The following SNTG1 variants were observed in gnomAD, a reference collection of about 807,000 sequenced individuals.
The protein encoded by SNTG1 is gamma-1-syntrophin.
In SNTG1, 39 loss-of-function variants were observed where a neutral mutation model predicts 74.7. The observed-to-expected ratio is 0.52, with a 90% CI of 0.40 to 0.68. The LOEUF is 0.68. SNTG1 is among the 30% of genes least tolerant of loss of function. The pLI is 0.00. For synonymous variants in SNTG1, 254 were observed against 217.1 expected, an observed-to-expected ratio of 1.17 and a Z score of -1.49; for missense variants, 685 against 609.5, an observed-to-expected ratio of 1.12 and a Z score of -1.30.
chr8:50,371,638 C>T (rs539584617), intron 2 of SNTG1, among the ~76,000 whole-genome samples: 1 of 152,090 alleles, frequency 6.6e-6, no homozygotes, highest in Admixed American at 6.5e-5. Flanking sequence ...TTTTTTAGGT[C>T]TTTTACTATT....
intron 2 of SNTG1, among the ~76,000 whole-genome samples, chr8:50,362,016 A>G (rs1587315342): frequency 6.6e-6 from 1 of 152,198 alleles, no homozygotes; most frequent in East Asian, 1.9e-4. Flanking sequence ...CAGTGAGTGA[A>G]CATCTCTATG....
At chr8:50,039,952 T>C (rs1326815613) in intron 1 of SNTG1, among the ~76,000 whole-genome samples, 1 of 152,134 alleles carries the variant, frequency 6.6e-6, no homozygotes, top group Non-Finnish European at 1.5e-5. Flanking sequence ...GCACATGATG[T>C]CGAGCTCTCT....
chr8:50,235,792 G>C (rs1016314588), intron 2 of SNTG1, among the ~76,000 whole-genome samples: 1 of 151,786 alleles, frequency 6.6e-6, no homozygotes, highest in Non-Finnish European at 1.5e-5. Context: ...TGGTATAAAA[G>C]TATTCAAAAT....
At chr8:50,151,892 T>A (rs1365373644) in intron 1 of SNTG1, among the ~76,000 whole-genome samples, 1 of 152,192 alleles carries the variant, frequency 6.6e-6, no homozygotes, top group African/African-American at 2.4e-5. Flanking sequence ...TTCTGTTGAT[T>A]TGGGGTGGAG....
At chr8:50,789,057 C>T (rs1353044607) in intron 18 of SNTG1, among the ~76,000 whole-genome samples, 1 of 151,960 alleles carries the variant, frequency 6.6e-6, no homozygotes, top group East Asian at 1.9e-4. Context: ...CCTATGCCCC[C>T]TTTAAAAAGG....
intron 13 of SNTG1, among the ~76,000 whole-genome samples, chr8:50,630,873 C>A (rs560657582): frequency 6.6e-6 from 1 of 152,316 alleles, no homozygotes; most frequent in African/African-American, 2.4e-5. Context: ...AGGCTCTCTG[C>A]CTAACCTTTT....
chr8:49,910,665 G>A (rs1805532046), upstream of SNTG1, among the ~76,000 whole-genome samples: 1 of 152,136 alleles, frequency 6.6e-6, no homozygotes, highest in Non-Finnish European at 1.5e-5. Context: ...AAGAGCGGGA[G>A]TGAAGAGCCT....
intron 2 of SNTG1, among the ~76,000 whole-genome samples, chr8:50,260,574 TGAAACAACAA>T (rs889117017): frequency 6.6e-6 from 1 of 151,204 alleles, no homozygotes; most frequent in African/African-American, 2.4e-5. Context: ...AAAGAGAGTT[TGAAACAACAA>T]GAAAAAATAA....
chr8:50,468,364 C>T (rs1015589897), intron 8 of SNTG1, among the ~76,000 whole-genome samples: 4 of 151,988 alleles, frequency 2.6e-5, no homozygotes, highest in Admixed American at 2.6e-4. Context: ...GTTTATCTTA[C>T]TTAATTCCTC....
At chr8:50,647,444 A>G (rs2095116630) in intron 13 of SNTG1, among the ~76,000 whole-genome samples, 1 of 151,910 alleles carries the variant, frequency 6.6e-6, no homozygotes, top group Admixed American at 6.6e-5. Context: ...ACACACATAT[A>G]TATATACATA....
At chr8:50,781,581 T>C (rs2095659588) in intron 18 of SNTG1, among the ~76,000 whole-genome samples, 1 of 152,190 alleles carries the variant, frequency 6.6e-6, no homozygotes, top group Non-Finnish European at 1.5e-5. Context: ...ATCCTTTTAT[T>C]TTGAATCTAT....
At chr8:50,271,810 T>G (rs566151638) in intron 2 of SNTG1, among the ~76,000 whole-genome samples, 15 of 152,202 alleles carry the variant, frequency 9.9e-5, no homozygotes, top group Admixed American at 9.8e-4. Context: ...GGTGTTATGA[T>G]ATGAATGCCT....
chr8:50,317,971 G>A (rs28662348), intron 2 of SNTG1, among the ~76,000 whole-genome samples: 11,311 of 152,088 alleles, frequency 0.074, 476 homozygotes, highest in African/African-American at 0.1. Context: ...CCAGTAGCTG[G>A]GACTACAGGC....
At chr8:50,759,608 C>CA (rs1296932740) in intron 18 of SNTG1, among the ~76,000 whole-genome samples, 1 of 151,940 alleles carries the variant, frequency 6.6e-6, no homozygotes, top group Non-Finnish European at 1.5e-5. Context: ...TGTGAAAGAT[C>CA]AGATGGTTGT....
At chr8:50,202,712 A>G (rs1465349662) in intron 2 of SNTG1, among the ~76,000 whole-genome samples, 1 of 152,016 alleles carries the variant, frequency 6.6e-6, no homozygotes, top group East Asian at 1.9e-4. Flanking sequence ...GGAGAGTTAA[A>G]GTAAATTTAC....
intron 2 of SNTG1, among the ~76,000 whole-genome samples, chr8:50,282,889 T>A (rs529552737): frequency 6.6e-6 from 1 of 152,338 alleles, no homozygotes; most frequent in African/African-American, 2.4e-5. Context: ...ACCAATTGTG[T>A]CCTGTTACAA....
intron 15 of SNTG1, among the ~76,000 whole-genome samples, chr8:50,672,903 AT>A (rs1476453953): frequency 6.6e-6 from 1 of 152,164 alleles, no homozygotes; most frequent in Non-Finnish European, 1.5e-5. Flanking sequence ...TTTTCTGCAA[AT>A]GGCTCACCAG....
At chr8:50,293,364 A>G (rs1228695865) in intron 2 of SNTG1, among the ~76,000 whole-genome samples, 7 of 149,992 alleles carry the variant, frequency 4.7e-5, no homozygotes, top group Non-Finnish European at 8.9e-5. Flanking sequence ...TCTTATATAG[A>G]ACCAGTCATA....
At chr8:50,587,072 A>G (rs938057082) in intron 12 of SNTG1, among the ~76,000 whole-genome samples, 1 of 151,990 alleles carries the variant, frequency 6.6e-6, no homozygotes, top group African/African-American at 2.4e-5. Flanking sequence ...ATTTCGGTTC[A>G]CGCTTACAGA....
Sources: gnomAD v4.1 joint callset for allele counts (sites outside exome capture counted in the v4.1 genomes callset) on GRCh38, gnomAD v4.1.1 for gene constraint, MANE v1.5 for transcripts, NCBI Gene and HGNC (gene_info 2026-07-23, HGNC 2026-07-21) for gene names.